Variants in GRIK4 observed in about 807,000 individuals in gnomAD.
GRIK4 encodes the protein glutamate receptor ionotropic, kainate 4.
GRIK4 carries 40 observed loss-of-function variants against 104.9 expected under a neutral mutation model. The observed-to-expected ratio is 0.38, with a 90% CI of 0.30 to 0.50. The LOEUF (loss-of-function observed/expected upper bound fraction) is 0.50. Among genes scored for constraint, GRIK4 ranks in the 20% least tolerant of loss-of-function variants. The probability of loss-of-function intolerance (pLI) is 0.93; values close to 1 mark genes in which losing one functional copy is unlikely to be tolerated. For synonymous variants in GRIK4, 485 were observed against 524.9 expected, an observed-to-expected ratio of 0.92 and a Z score of 1.04; for missense variants, 1,047 against 1,308.1, an observed-to-expected ratio of 0.80 and a Z score of 3.08.
At chr11:120,895,214 C>T (rs1388888467) in intron 11 of GRIK4, among the ~76,000 whole-genome samples, 1 of 151,964 alleles carries the variant, frequency 6.6e-6, no homozygotes, top group Non-Finnish European at 1.5e-5. Context: ...GGATTAGATC[C>T]CTTGAGAACA....
chr11:120,984,307 C>T (rs1944701452), intron 20 of GRIK4, among the ~76,000 whole-genome samples: 1 of 152,216 alleles, frequency 6.6e-6, no homozygotes, highest in South Asian at 2.1e-4. Context: ...AGTGTCCTTT[C>T]AACTCAGAGT....
At chr11:120,591,769 T>A (rs1948736749) in intron 1 of GRIK4, among the ~76,000 whole-genome samples, 1 of 152,228 alleles carries the variant, frequency 6.6e-6, no homozygotes, top group Non-Finnish European at 1.5e-5. Flanking sequence ...AGTGAAGTGC[T>A]GATGCTTGCA....
chr11:120,750,626 C>T (rs754274872), intron 3 of GRIK4, among the ~76,000 whole-genome samples: 2 of 152,070 alleles, frequency 1.3e-5, no homozygotes, highest in Non-Finnish European at 2.9e-5. Context: ...ACCTTGGCCT[C>T]CCGAAGTGAT....
chr11:120,871,903 T>G (rs1367192970), intron 9 of GRIK4: 1 of 456,278 alleles, frequency 2.2e-6, no homozygotes. Context: ...ACTGTTTTGC[T>G]CTGTAATTGC....
At chr11:120,725,904 G>T (rs1274297340) in intron 3 of GRIK4, among the ~76,000 whole-genome samples, 1 of 152,192 alleles carries the variant, frequency 6.6e-6, no homozygotes, top group Non-Finnish European at 1.5e-5. Flanking sequence ...GATGGTGGTG[G>T]TGGGGGGTAT....
At chr11:120,977,120 G>A (rs377544183) in intron 19 of GRIK4, among the ~76,000 whole-genome samples, 159 of 152,290 alleles carry the variant, frequency 1.0e-3, no homozygotes, top group African/African-American at 3.7e-3. Flanking sequence ...GGCAATCTGC[G>A]GGTGACACCA....
chr11:120,917,748 C>G (rs1203698486), intron 13 of GRIK4, among the ~76,000 whole-genome samples: 3 of 152,190 alleles, frequency 2.0e-5, no homozygotes, highest in Non-Finnish European at 1.5e-5. Flanking sequence ...AGGTTCAGTG[C>G]TCCCTTAGCA....
intron 11 of GRIK4, among the ~76,000 whole-genome samples, chr11:120,896,046 A>G (rs1393128175): frequency 6.6e-6 from 1 of 152,254 alleles, no homozygotes; most frequent in African/African-American, 2.4e-5. Context: ...CTGCTGATAG[A>G]CAATGGTTTT....
chr11:120,916,544 A>T (rs1943108619), intron 13 of GRIK4, among the ~76,000 whole-genome samples: 1 of 152,182 alleles, frequency 6.6e-6, no homozygotes, highest in Non-Finnish European at 1.5e-5. Context: ...AACATAGGTA[A>T]TACTAGGAAT....
At position 120,606,326 on chromosome 11, in the gene GRIK4, C is replaced by T. The variant is rs182469167; in HGVS notation, c.-158-47359C>T. Among the ~76,000 whole-genome samples, 134 of 152,310 alleles carry T rather than the reference C, an allele frequency of 8.8e-4. 1 individual carries two copies. Among genetic ancestry groups the T allele is most frequent in the African/African-American group, 3.0e-3 (126 of 41,568 alleles). On this transcript the variant is annotated intron_variant, in intron 1 of 20. Coordinates refer to ENST00000527524, the MANE Select transcript of GRIK4 (RefSeq NM_014619.5). ...CGTCTCACTTGAGCAGCCACCCTGA[C>T]GGCCCAGTTGGCATGGACCATGGCA...
chr11:120,702,648 C>G (rs1950571314), intron 3 of GRIK4, among the ~76,000 whole-genome samples: 1 of 152,162 alleles, frequency 6.6e-6, no homozygotes, highest in Non-Finnish European at 1.5e-5. Context: ...GCTGGGTCAG[C>G]ATGGTCTCCT....
intron 13 of GRIK4, among the ~76,000 whole-genome samples, chr11:120,912,771 G>C (rs1195083262): frequency 6.6e-6 from 1 of 152,218 alleles, no homozygotes; most frequent in African/African-American, 2.4e-5. Flanking sequence ...CAGCTGCTCA[G>C]AATTGAGAAT....
chr11:120,566,999 C>T (rs1299721501), intron 1 of GRIK4, among the ~76,000 whole-genome samples: 1 of 106,914 alleles, frequency 9.4e-6, no homozygotes, highest in Non-Finnish European at 1.7e-5. Flanking sequence ...TTTTTTGAGA[C>T]AAGGTCTTGT....
chr11:120,845,586 G>A (rs541456430), intron 8 of GRIK4, among the ~76,000 whole-genome samples: 2 of 151,834 alleles, frequency 1.3e-5, no homozygotes, highest in South Asian at 2.1e-4. Context: ...GAGCCTTTCA[G>A]TTCTTCACGG....
At chr11:120,654,615 G>C (rs543631438) in intron 2 of GRIK4, among the ~76,000 whole-genome samples, 1 of 152,216 alleles carries the variant, frequency 6.6e-6, no homozygotes, top group South Asian at 2.1e-4. Flanking sequence ...TGCCCGCCTT[G>C]GCCTCCCAAA....
intron 5 of GRIK4, 46 bp downstream of exon 5, chr11:120,815,521 T>G: frequency 1.7e-6 from 2 of 1,151,292 alleles, no homozygotes; most frequent in Non-Finnish European, 2.5e-6. Flanking sequence ...CTGGAGCCTG[T>G]GCCCAGGGTC....
intron 1 of GRIK4, among the ~76,000 whole-genome samples, chr11:120,571,360 C>A (rs1000435361): frequency 6.6e-6 from 1 of 152,150 alleles, no homozygotes; most frequent in African/African-American, 2.4e-5. Context: ...TGGTTGCCTT[C>A]CACACCTGTG....
intron 13 of GRIK4, among the ~76,000 whole-genome samples, chr11:120,917,634 A>C (rs571309122): frequency 8.5e-5 from 13 of 152,344 alleles, no homozygotes; most frequent in African/African-American, 3.1e-4. Context: ...CACAGATTTG[A>C]AACAGACTTC....
rs1300375636 is a variant in GRIK4, at chr11:120,599,137, C to T, written c.-158-54548C>T. Among the ~76,000 whole-genome samples, 7 of 152,242 alleles carry T rather than the reference C, an allele frequency of 4.6e-5. No homozygotes were observed. The East Asian group carries it at 5.8e-4, about 13-fold the overall frequency. On this transcript the variant is annotated intron_variant, in intron 1 of 20. Coordinates refer to ENST00000527524, the MANE Select transcript of GRIK4 (RefSeq NM_014619.5). ...GCTTCCACATCTGGACGGGATATCA[C>T]GAGGCTGTGCCAGACAGATGCCTCA... is the stretch of plus-strand genomic sequence containing the variant.
Sources: gnomAD v4.1 joint callset for allele counts (sites outside exome capture counted in the v4.1 genomes callset) on GRCh38, gnomAD v4.1.1 for gene constraint, MANE v1.5 for transcripts, NCBI Gene and HGNC (gene_info 2026-07-23, HGNC 2026-07-21) for gene names.